Variants in BICRAL observed in about 807,000 individuals in gnomAD.
BICRAL encodes BICRA like chromatin remodeling complex associated protein.
In BICRAL, 8 loss-of-function variants were observed where a neutral mutation model predicts 91.8. That is an observed-to-expected ratio of 0.09 (90% CI 0.05 to 0.16). The LOEUF is 0.16. Ranked by LOEUF, BICRAL falls within the 10% of genes least tolerant of loss-of-function variation. The pLI is 1.00. For synonymous variants in BICRAL, 445 were observed against 491.1 expected (o/e 0.91, Z 1.24); for missense variants, 1,038 against 1,310.9 (o/e 0.79, Z 3.21).
At chr6:42,752,751 A>C (rs768137310) in intron 1 of BICRAL, among the ~76,000 whole-genome samples, 5 of 151,348 alleles carry the variant, frequency 3.3e-5, no homozygotes, top group Non-Finnish European at 7.4e-5. Context: ...TTACAGGCAC[A>C]CACCACCATG....
chr6:42,816,825 T>C (rs1168895906), intron 2 of BICRAL, among the ~76,000 whole-genome samples: 3 of 151,568 alleles, frequency 2.0e-5, no homozygotes, highest in Non-Finnish European at 4.4e-5. Flanking sequence ...CCATCCTGGC[T>C]AACATGGTGA....
At position 42,847,291 on chromosome 6, in the gene BICRAL, A is replaced by G. The variant is rs563157450; in HGVS notation, c.1840-4801A>G. ...TGAATAAACCTCTCAAAACCTTTTT[A>G]AAAAGCATAAATTAGCTGTAGATTT... is the stretch of plus-strand genomic sequence containing the variant. On this transcript the variant is annotated intron_variant, in intron 6 of 12. Coordinates refer to ENST00000314073, the MANE Select transcript of BICRAL (RefSeq NM_001393499.1). Among the ~76,000 whole-genome samples, 3 of 152,326 alleles carry G rather than the reference A, an allele frequency of 2.0e-5. No homozygotes were observed. In the East Asian group the frequency reaches 5.8e-4, roughly 29 times the overall value.
chr6:42,835,128 C>G (rs895670802), intron 6 of BICRAL, among the ~76,000 whole-genome samples: 3 of 143,726 alleles, frequency 2.1e-5, no homozygotes, highest in South Asian at 2.5e-4. Context: ...TCCCCTCTAC[C>G]CTTTTTTCTT....
chr6:42,823,659 C>T lies in BICRAL; in HGVS notation c.159+656C>T, dbSNP rs556075263. On this transcript the variant is annotated intron_variant, in intron 5 of 12. Coordinates refer to ENST00000314073, the MANE Select transcript of BICRAL (RefSeq NM_001393499.1). ...ATAAAATAGACCAGATGTGGTGGCT[C>T]ATGCCTGTAATCCCAACACTTTGGG... Among the ~76,000 whole-genome samples the T allele has an allele frequency of 2.6e-5, 4 of 152,210 alleles. No homozygotes were observed. In the South Asian group the frequency reaches 8.3e-4, roughly 32 times the overall value.
At chr6:42,799,278 T>C (rs1227248860) in intron 1 of BICRAL, among the ~76,000 whole-genome samples, 1 of 152,062 alleles carries the variant, frequency 6.6e-6, no homozygotes, top group Non-Finnish European at 1.5e-5. Flanking sequence ...AGGGTAGTTA[T>C]TAGATTCACC....
At chr6:42,776,805 A>G (rs1431881791) in intron 1 of BICRAL, among the ~76,000 whole-genome samples, 6 of 152,228 alleles carry the variant, frequency 3.9e-5, no homozygotes. Context: ...CAGTAATAAA[A>G]CTGGAGAGAG....
chr6:42,845,835 G>T (rs1196720240), intron 6 of BICRAL, among the ~76,000 whole-genome samples: 2 of 150,834 alleles, frequency 1.3e-5, no homozygotes, highest in Non-Finnish European at 3.0e-5. Flanking sequence ...AGGCCGAGGT[G>T]GGTGGATCAC....
intron 1 of BICRAL, among the ~76,000 whole-genome samples, chr6:42,785,739 C>A (rs887180128): frequency 6.6e-6 from 1 of 152,002 alleles, no homozygotes; most frequent in African/African-American, 2.4e-5. Flanking sequence ...TTATGTGGAA[C>A]CTAATAGCAG....
At chr6:42,777,108 A>G (rs979428873), upstream of BICRAL, among the ~76,000 whole-genome samples, 1 of 152,250 alleles carries the variant, frequency 6.6e-6, no homozygotes, top group Non-Finnish European at 1.5e-5. Flanking sequence ...TAAGAGAAAC[A>G]TATTAGGTTG....
chr6:42,843,681 T>A (rs1472760081), intron 6 of BICRAL, among the ~76,000 whole-genome samples: 1 of 152,126 alleles, frequency 6.6e-6, no homozygotes, highest in South Asian at 2.1e-4. Flanking sequence ...GTTTAGGGTA[T>A]GTTCGTCAAG....
At chr6:42,781,922 CG>C (rs34660487), upstream of BICRAL, 1 of 146,614 alleles carries the variant, frequency 6.8e-6, no homozygotes, top group South Asian at 2.0e-4. Context: ...GCGCGGGGAG[CG>C]GCGCCCCGGC....
At chr6:42,767,592 C>T (rs1762653774) in intron 1 of BICRAL, among the ~76,000 whole-genome samples, 1 of 152,156 alleles carries the variant, frequency 6.6e-6, no homozygotes, top group South Asian at 2.1e-4. Context: ...GGTAAAGACG[C>T]AAGAAATGTT....
chr6:42,817,292 T>C (rs973581244), intron 2 of BICRAL, among the ~76,000 whole-genome samples: 2 of 152,044 alleles, frequency 1.3e-5, no homozygotes, highest in African/African-American at 2.4e-5. Flanking sequence ...TGATTAAAAC[T>C]GCCTCATTAG....
intron 2 of BICRAL, among the ~76,000 whole-genome samples, chr6:42,811,170 G>A (rs1288386562): frequency 6.6e-6 from 1 of 152,176 alleles, no homozygotes; most frequent in African/African-American, 2.4e-5. Flanking sequence ...AGGCAGCACA[G>A]GACAGTGACT....
intron 1 of BICRAL, among the ~76,000 whole-genome samples, chr6:42,800,317 C>T (rs763930598): frequency 2.6e-5 from 4 of 151,974 alleles, no homozygotes; most frequent in African/African-American, 7.3e-5. Context: ...TCTGCCTCGG[C>T]CTCCCAAAGT....
At chr6:42,808,656 G>A in intron 1 of BICRAL, among the ~76,000 whole-genome samples, 1 of 152,124 alleles carries the variant, frequency 6.6e-6, no homozygotes, top group East Asian at 1.9e-4. Flanking sequence ...TAAGAATTGA[G>A]CTACTCAGCT....
At chr6:42,863,281 C>T (rs911778951) in intron 12 of BICRAL, among the ~76,000 whole-genome samples, 1 of 152,110 alleles carries the variant, frequency 6.6e-6, no homozygotes, top group African/African-American at 2.4e-5. Flanking sequence ...ATCTCCTGAC[C>T]TCATGATCCG....
Position 42,828,806 on chromosome 6 carries a change from A to G in BICRAL, c.473A>G (p.Tyr158Cys). The G allele has an allele frequency of 6.2e-7, 1 of 1,614,068 alleles. No individual in the cohort carries two copies. Among genetic ancestry groups the G allele is most frequent in the Non-Finnish European group, 8.5e-7 (1 of 1,180,000 alleles). The change falls in exon 6 of 13, where the codon TAC becomes TGC. Residue 158 changes from tyrosine to cysteine, a missense_variant. Physicochemically the swap from Tyr to Cys is radical, Grantham distance 194 (BLOSUM62 -2). This residue lies in a region of BICRAL where 532 missense variants were observed against 724.9 expected (regional missense o/e 0.73). Coordinates refer to ENST00000314073, the MANE Select transcript of BICRAL (RefSeq NM_001393499.1). ...SFTQASNVSNYSGQTLQPIGV... is the reference protein window; with the variant it reads ...SFTQASNVSNCSGQTLQPIGV... ...ACTCAGGCTTCTAATGTTTCTAATTACTCAGGTCAGACGCTGCAGCCTATA... is the reference window on the plus strand; with the variant it reads ...ACTCAGGCTTCTAATGTTTCTAATTGCTCAGGTCAGACGCTGCAGCCTATA...
In BICRAL at chr6:42,867,199, C is replaced by A. The variant is rs571525266; in HGVS notation, c.*1753C>A. The stretch of plus-strand genomic sequence containing the variant: ...GAAAGGAAGGCTTCTAATTAGAAAA[C>A]ACAGCAACAGAAGACCTATACCCCG... On this transcript the variant is annotated 3_prime_UTR_variant, in exon 13 of 13. Coordinates refer to ENST00000314073, the MANE Select transcript of BICRAL (RefSeq NM_001393499.1). 475 of 210,024 alleles carry A rather than the reference C, an allele frequency of 2.3e-3. 3 individuals are homozygous for A. The highest frequency in any genetic ancestry group is 0.01 in the African/African-American group (451 of 43,576). 13.0% of individuals were successfully genotyped at this position (210,024 alleles called of 1,614,324 possible). A position where few individuals can be genotyped will look rare whatever the true frequency, so the allele number is the denominator to read the frequency against.
Sources: gnomAD v4.1 joint callset for allele counts (sites outside exome capture counted in the v4.1 genomes callset) on GRCh38, gnomAD v4.1.1 for gene constraint, gnomAD v4.1.1 regional missense constraint, MANE v1.5 for transcripts, NCBI Gene and HGNC (gene_info 2026-07-23, HGNC 2026-07-21) for gene names.